Variants in TENM3 observed in about 807,000 individuals in gnomAD.
The protein encoded by TENM3 is teneurin-3.
Under a neutral mutation model 255.1 loss-of-function variants are expected in TENM3, and 63 were observed. The observed-to-expected ratio is 0.25, with a 90% CI of 0.20 to 0.30. The LOEUF is 0.30. TENM3 is among the 10% of genes least tolerant of loss of function. The pLI is 1.00. For synonymous variants in TENM3, 1,306 were observed against 1,322.3 expected, an observed-to-expected ratio of 0.99 and a Z score of 0.27; for missense variants, 2,929 against 3,461.1, an observed-to-expected ratio of 0.85 and a Z score of 3.86.
At chr4:181,741,722 G>A in the TENM3 span, among the ~76,000 whole-genome samples, 1 of 152,166 alleles carries the variant, frequency 6.6e-6, no homozygotes, top group Non-Finnish European at 1.5e-5. Flanking sequence ...GCACTAGGAT[G>A]AGCGAGGGCC....
the TENM3 span, among the ~76,000 whole-genome samples, chr4:181,941,501 T>C: frequency 6.6e-6 from 1 of 152,192 alleles, no homozygotes; most frequent in African/African-American, 2.4e-5. Context: ...TAAGGTTCTA[T>C]TTGGTTTCTT....
At chr4:181,601,317 T>G in the TENM3 span, among the ~76,000 whole-genome samples, 1 of 152,228 alleles carries the variant, frequency 6.6e-6, no homozygotes, top group Non-Finnish European at 1.5e-5. Context: ...TTTGCTATGG[T>G]TGCCATAACA....
chr4:182,046,496 G>A, the TENM3 span, among the ~76,000 whole-genome samples: 1 of 151,738 alleles, frequency 6.6e-6, no homozygotes, highest in Non-Finnish European at 1.5e-5. Flanking sequence ...TTGAGGTCAG[G>A]AGTCTGAGAC....
chr4:182,151,733 C>G (rs1750372410), intron 1 of TENM3, among the ~76,000 whole-genome samples: 1 of 151,860 alleles, frequency 6.6e-6, no homozygotes, highest in Non-Finnish European at 1.5e-5. Context: ...ACATTTTTCT[C>G]TATTTATAAG....
At chr4:182,607,374 C>T (rs974131082) in intron 4 of TENM3, among the ~76,000 whole-genome samples, 1 of 152,048 alleles carries the variant, frequency 6.6e-6, no homozygotes, top group Non-Finnish European at 1.5e-5. Context: ...CTCTTCCCGT[C>T]GCTTAACAAA....
intron 3 of TENM3, among the ~76,000 whole-genome samples, chr4:182,541,328 G>A (rs1025367888): frequency 2.0e-5 from 3 of 152,156 alleles, no homozygotes; most frequent in African/African-American, 7.2e-5. Flanking sequence ...GTATAGAAAC[G>A]AAATATTTTT....
the TENM3 span, among the ~76,000 whole-genome samples, chr4:181,756,909 C>T: frequency 6.6e-6 from 1 of 152,156 alleles, no homozygotes; most frequent in Non-Finnish European, 1.5e-5. Context: ...CTCCTATACT[C>T]ACATAGAGTG....
chr4:181,641,701 A>ATATATATTATATAT, the TENM3 span, among the ~76,000 whole-genome samples: 22 of 98,494 alleles, frequency 2.2e-4, no homozygotes, highest in Non-Finnish European at 3.8e-4. Flanking sequence ...AATGTATAAT[A>ATATATATTATATAT]TATATATTAT....
chr4:182,256,454 T>C (rs1215764555), intron 1 of TENM3, among the ~76,000 whole-genome samples: 5 of 152,220 alleles, frequency 3.3e-5, no homozygotes, highest in Non-Finnish European at 7.3e-5. Flanking sequence ...AGTTAATTTT[T>C]TTGAGTGTAC....
At chr4:182,263,216 C>A (rs1758980543) in intron 1 of TENM3, among the ~76,000 whole-genome samples, 1 of 152,022 alleles carries the variant, frequency 6.6e-6, no homozygotes, top group Non-Finnish European at 1.5e-5. Context: ...AAAGAGAAGA[C>A]CCCCGACCCA....
chr4:182,647,169 A>G (rs1752828598), intron 5 of TENM3, among the ~76,000 whole-genome samples: 1 of 152,186 alleles, frequency 6.6e-6, no homozygotes, highest in African/African-American at 2.4e-5. Flanking sequence ...CCATTTCTTC[A>G]TCTTAACAAC....
chr4:182,788,396 C>T (rs899454780), intron 24 of TENM3, among the ~76,000 whole-genome samples: 1 of 152,198 alleles, frequency 6.6e-6, no homozygotes, highest in African/African-American at 2.4e-5. Flanking sequence ...AGGCTCTGGA[C>T]GTGGCACCTA....
the TENM3 span, among the ~76,000 whole-genome samples, chr4:181,897,863 T>C: frequency 6.6e-6 from 1 of 152,216 alleles, no homozygotes; most frequent in African/African-American, 2.4e-5. Context: ...TCTTTTCTTT[T>C]CTTATTTTAA....
chr4:182,016,816 A>C, the TENM3 span, among the ~76,000 whole-genome samples: 1 of 152,334 alleles, frequency 6.6e-6, no homozygotes, highest in Admixed American at 6.5e-5. Context: ...TATTCACTTT[A>C]GATTGTCTTT....
At chr4:182,653,653 T>C in intron 5 of TENM3, 118 bp from the exon 6 acceptor site, 1 of 1,121,470 alleles carries the variant, frequency 8.9e-7, no homozygotes, top group East Asian at 2.6e-5. Flanking sequence ...TTATCCTTGG[T>C]ATTTCAGAAA....
At chr4:182,417,150 G>A (rs1244108325) in intron 3 of TENM3, among the ~76,000 whole-genome samples, 1 of 151,228 alleles carries the variant, frequency 6.6e-6, no homozygotes, top group African/African-American at 2.4e-5. Flanking sequence ...ATTTTTTTTT[G>A]TATTTTTAGT....
chr4:182,091,104 C>T, the TENM3 span, among the ~76,000 whole-genome samples: 5 of 152,176 alleles, frequency 3.3e-5, no homozygotes, highest in Admixed American at 2.6e-4. Flanking sequence ...ATCAGTTGAC[C>T]GAGTTTCAGA....
At chr4:182,203,378 T>C (rs13102361) in intron 1 of TENM3, among the ~76,000 whole-genome samples, 38,257 of 152,126 alleles carry the variant, frequency 0.25, 5,968 homozygotes, top group Admixed American at 0.43. Context: ...AAAGATTAAG[T>C]GTTAGCTTCC....
the TENM3 span, among the ~76,000 whole-genome samples, chr4:181,508,272 C>T: frequency 5.9e-5 from 9 of 152,324 alleles, no homozygotes; most frequent in South Asian, 2.1e-4. Context: ...TACAGCCTCC[C>T]TCTGAGCTTT....
Sources: gnomAD v4.1 joint callset for allele counts (sites outside exome capture counted in the v4.1 genomes callset) on GRCh38, gnomAD v4.1.1 for gene constraint, MANE v1.5 for transcripts, NCBI Gene and HGNC (gene_info 2026-07-23, HGNC 2026-07-21) for gene names.